The following TENM4 variants were observed in gnomAD, a reference collection of about 807,000 sequenced individuals.
TENM4 encodes teneurin transmembrane protein 4, also known as teneurin-4.
In TENM4, 82 loss-of-function variants were observed where a neutral mutation model predicts 243.3. The ratio of observed to expected loss-of-function variants is 0.34; its 90% CI spans 0.28 to 0.40. The LOEUF is 0.40. TENM4 is among the 10% of genes least tolerant of loss of function. The pLI, the probability that TENM4 is intolerant of heterozygous loss-of-function variation, is 1.00. For synonymous variants in TENM4, 1,412 were observed against 1,456.3 expected, an observed-to-expected ratio of 0.97 and a Z score of 0.69; for missense variants, 3,138 against 3,673.3, an observed-to-expected ratio of 0.85 and a Z score of 3.77.
At chr11:79,352,050 G>A (rs957433548) in intron 1 of TENM4, among the ~76,000 whole-genome samples, 83 of 152,210 alleles carry the variant, frequency 5.5e-4, no homozygotes, top group African/African-American at 2.0e-3. Flanking sequence ...AAAATGAAAA[G>A]AGATAACATG....
chr11:79,164,268 C>CTAGTATATATAGTATATAGATATAA (rs1862849169), intron 3 of TENM4, among the ~76,000 whole-genome samples: 4 of 99,116 alleles, frequency 4.0e-5, no homozygotes, highest in Non-Finnish European at 6.6e-5. Context: ...TATAGATATA[C>CTAGTATATATAGTATATAGATATAA]TAGTATATAT....
At chr11:79,135,070 G>C (rs553437542) in intron 4 of TENM4, among the ~76,000 whole-genome samples, 1 of 152,088 alleles carries the variant, frequency 6.6e-6, no homozygotes, top group African/African-American at 2.4e-5. Flanking sequence ...TCACAGAGTG[G>C]GAGAAAATCT....
intron 4 of TENM4, among the ~76,000 whole-genome samples, chr11:79,114,848 A>C (rs1438371794): frequency 6.6e-6 from 1 of 152,200 alleles, no homozygotes; most frequent in East Asian, 1.9e-4. Flanking sequence ...GATAGATAGG[A>C]AACCCTGCCA....
intron 3 of TENM4, among the ~76,000 whole-genome samples, chr11:79,200,916 C>T (rs1863725151): frequency 6.6e-6 from 1 of 152,204 alleles, no homozygotes; most frequent in Admixed American, 6.5e-5. Flanking sequence ...AGATGCTTGT[C>T]AGACCTTGTT....
intron 1 of TENM4, among the ~76,000 whole-genome samples, chr11:79,361,858 AG>A (rs1857595444): frequency 6.6e-6 from 1 of 152,236 alleles, no homozygotes; most frequent in Non-Finnish European, 1.5e-5. Context: ...TAGACTATTC[AG>A]TAAATGGTGT....
intron 1 of TENM4, among the ~76,000 whole-genome samples, chr11:79,336,139 G>A (rs1241315483): frequency 6.6e-6 from 1 of 151,970 alleles, no homozygotes; most frequent in Non-Finnish European, 1.5e-5. Context: ...GAAAAAAAAT[G>A]TAATTTTTAA....
chr11:79,195,935 G>C (rs1201759788), intron 3 of TENM4, among the ~76,000 whole-genome samples: 1 of 152,072 alleles, frequency 6.6e-6, no homozygotes, highest in East Asian at 1.9e-4. Flanking sequence ...ATGTGTTGTG[G>C]GAGAGACCAG....
chr11:79,099,375 T>C, intron 4 of TENM4, among the ~76,000 whole-genome samples: 1 of 152,134 alleles, frequency 6.6e-6, no homozygotes, highest in South Asian at 2.1e-4. Context: ...GTTCTCATGG[T>C]GTGAATTTAA....
intron 6 of TENM4, among the ~76,000 whole-genome samples, chr11:78,955,878 A>G (rs1315593157): frequency 1.3e-5 from 2 of 152,204 alleles, no homozygotes; most frequent in Non-Finnish European, 2.9e-5. Flanking sequence ...ACTGCCCTCA[A>G]TGCGGGGCCA....
In TENM4 at chr11:78,670,068, T is replaced by C. The variant is rs1858281234; in HGVS notation, c.6277A>G (p.Ser2093Gly). Residue 2093 changes from serine (S) to glycine (G), a missense_variant, in exon 32 of 34, where the codon AGC (serine) becomes GGC (glycine). Transcript: ENST00000278550. ...GTCTCGTTGATCACAGCCTGCATGC[T>C]GGTCACCCGGAAGCTGTTGTCATAG... is the stretch of plus-strand genomic sequence containing the variant. ...YNYDNSFRVTSMQAVINETPL... is the reference protein window; with the variant it reads ...YNYDNSFRVTGMQAVINETPL... The C allele has an allele frequency of 5.0e-6, 8 of 1,613,966 alleles. No homozygotes were observed. Among genetic ancestry groups the C allele is most frequent in the Non-Finnish European group, 6.8e-6 (8 of 1,179,890 alleles).
intron 9 of TENM4, among the ~76,000 whole-genome samples, chr11:78,873,126 T>A (rs1859179137): frequency 6.6e-6 from 1 of 152,224 alleles, no homozygotes; most frequent in Admixed American, 6.5e-5. Flanking sequence ...CCATGGGTAT[T>A]TTCCAGCCCT....
chr11:78,851,632 G>C (rs1327791829), intron 12 of TENM4, among the ~76,000 whole-genome samples: 2 of 152,126 alleles, frequency 1.3e-5, no homozygotes, highest in Non-Finnish European at 2.9e-5. Flanking sequence ...ATCAGGCCAC[G>C]AGACCATGAA....
intron 6 of TENM4, among the ~76,000 whole-genome samples, chr11:79,051,058 C>T (rs1490561326): frequency 2.0e-5 from 3 of 152,084 alleles, no homozygotes; most frequent in Non-Finnish European, 4.4e-5. Context: ...AAGAGCACTT[C>T]CAAATGAGAA....
intron 3 of TENM4, among the ~76,000 whole-genome samples, chr11:79,163,950 A>ACTATATATCTATATAT (rs572913580): frequency 2.9e-5 from 4 of 140,228 alleles, no homozygotes; most frequent in African/African-American, 1.1e-4. Flanking sequence ...TCTATATAGT[A>ACTATATATCTATATAT]CTATATATCT....
chr11:79,346,493 A>C (rs775833773), intron 1 of TENM4, among the ~76,000 whole-genome samples: 1 of 152,184 alleles, frequency 6.6e-6, no homozygotes, highest in Non-Finnish European at 1.5e-5. Flanking sequence ...ACACTCATTG[A>C]AACTGCTGCT....
chr11:78,905,775 G>A (rs937164748), intron 6 of TENM4, among the ~76,000 whole-genome samples: 1 of 152,216 alleles, frequency 6.6e-6, no homozygotes, highest in Admixed American at 6.5e-5. Context: ...GAGAGAACCT[G>A]GCAGGCGAAT....
chr11:79,396,296 T>TTATC (rs1245112068), intron 1 of TENM4, among the ~76,000 whole-genome samples: 4 of 152,242 alleles, frequency 2.6e-5, no homozygotes, highest in Admixed American at 2.6e-4. Flanking sequence ...TCCTAGCTTC[T>TTATC]TATCTCTCAT....
At chr11:79,261,633 C>CAG (rs1171785389) in intron 2 of TENM4, among the ~76,000 whole-genome samples, 4 of 151,828 alleles carry the variant, frequency 2.6e-5, no homozygotes, top group African/African-American at 7.3e-5. Flanking sequence ...TGGGAATATA[C>CAG]AGAGAGAGAG....
In TENM4 at chr11:79,356,454, T is replaced by C. The variant is rs145337163; in HGVS notation, c.-320-58911A>G. Among the ~76,000 whole-genome samples the C allele has an allele frequency of 3.9e-5, 6 of 152,324 alleles. No homozygotes were observed. The East Asian group carries it at 1.2e-3, about 29-fold the overall frequency. ...CACCACTACTACTACAGCGTGGGGC[T>C]AGGTTACAGCACAGTTTAGGAGAAA... On this transcript the variant is annotated intron_variant, in intron 1 of 33. Coordinates refer to ENST00000278550, the MANE Select transcript of TENM4 (RefSeq NM_001098816.3).
Sources: gnomAD v4.1 joint callset for allele counts (sites outside exome capture counted in the v4.1 genomes callset) on GRCh38, gnomAD v4.1.1 for gene constraint, MANE v1.5 for transcripts, NCBI Gene and HGNC (gene_info 2026-07-23, HGNC 2026-07-21) for gene names.